Variants in USH2A observed in about 807,000 individuals in gnomAD.
USH2A encodes the protein usherin, also known as Usher syndrome 2A (autosomal recessive, mild).
In USH2A, 443 loss-of-function variants were observed where a neutral mutation model predicts 538.9. That is an observed-to-expected ratio of 0.82 (90% CI 0.76 to 0.89). The LOEUF (loss-of-function observed/expected upper bound fraction) is 0.89. Ranked by LOEUF, USH2A falls within the 40% of genes least tolerant of loss-of-function variation. The pLI, the probability that USH2A is intolerant of heterozygous loss-of-function variation, is 0.00. For synonymous variants in USH2A, 2,413 were observed against 2,273.5 expected, an observed-to-expected ratio of 1.06 and a Z score of -1.75; for missense variants, 6,633 against 6,324.8, an observed-to-expected ratio of 1.05 and a Z score of -1.65.
chr1:216,013,861 C>T (rs1483655318), intron 32 of USH2A, among the ~76,000 whole-genome samples: 1 of 152,130 alleles, frequency 6.6e-6, no homozygotes, highest in African/African-American at 2.4e-5. Context: ...TTCACACGGA[C>T]TCACATGAAA....
chr1:216,050,884 C>A (rs958250866), intron 30 of USH2A, among the ~76,000 whole-genome samples: 1 of 151,918 alleles, frequency 6.6e-6, no homozygotes. Flanking sequence ...GGATTACAGG[C>A]GTGAGCCACT....
rs980355439 is a variant in USH2A at position 216,394,302 on chromosome 1, T to A, written c.651+24212A>T. Among the ~76,000 whole-genome samples, 78 of 146,744 alleles carry A rather than the reference T, an allele frequency of 5.3e-4. 1 individual carries two copies. Among genetic ancestry groups the A allele is most frequent in the African/African-American group, 1.8e-3 (72 of 39,306 alleles). ...AAACTTTAAACATACACCTACCATG[T>A]GGCACAGCAATCCTTTTCCCAGATA... On this transcript the variant is annotated intron_variant, in intron 3 of 71. Transcript: ENST00000307340.
chr1:216,071,559 T>A (rs778478400), intron 29 of USH2A, among the ~76,000 whole-genome samples: 1 of 152,180 alleles, frequency 6.6e-6, no homozygotes, highest in Non-Finnish European at 1.5e-5. Context: ...TGCTCAGTGT[T>A]GTGGTCAGAT....
At chr1:215,923,116 T>C (rs1666142869) in intron 38 of USH2A, among the ~76,000 whole-genome samples, 1 of 152,148 alleles carries the variant, frequency 6.6e-6, no homozygotes, top group Non-Finnish European at 1.5e-5. Context: ...CAGGAAGTGA[T>C]GAGACTTCTC....
intron 61 of USH2A, among the ~76,000 whole-genome samples, chr1:215,680,625 T>C (rs1044260969): frequency 1.3e-5 from 2 of 151,984 alleles, no homozygotes; most frequent in Non-Finnish European, 2.9e-5. Flanking sequence ...CATCCTTGAC[T>C]TTTCAGTGCT....
chr1:215,946,722 T>C (rs1666767108), intron 37 of USH2A, among the ~76,000 whole-genome samples: 1 of 152,204 alleles, frequency 6.6e-6, no homozygotes, highest in East Asian at 1.9e-4. Context: ...ATGTGGGTAG[T>C]ATGGCTGAGG....
At chr1:216,006,768 ACTC>A (rs1234525842) in intron 32 of USH2A, among the ~76,000 whole-genome samples, 1 of 152,032 alleles carries the variant, frequency 6.6e-6, no homozygotes, top group Non-Finnish European at 1.5e-5. Context: ...CCTCTTCTAA[ACTC>A]CTACAATGCT....
intron 35 of USH2A, among the ~76,000 whole-genome samples, chr1:215,991,015 C>T (rs1667992237): frequency 6.6e-6 from 1 of 152,202 alleles, no homozygotes. Flanking sequence ...CCCCCCTCAG[C>T]CTCCCAAAGT....
At chr1:216,062,647 T>C (rs2031223519) in intron 30 of USH2A, among the ~76,000 whole-genome samples, 1 of 152,164 alleles carries the variant, frequency 6.6e-6, no homozygotes, top group South Asian at 2.1e-4. Flanking sequence ...AACTCCAATG[T>C]AAGGATATGT....
At chr1:216,113,447 C>A (rs2032923746) in intron 21 of USH2A, among the ~76,000 whole-genome samples, 1 of 152,138 alleles carries the variant, frequency 6.6e-6, no homozygotes, top group African/African-American at 2.4e-5. Flanking sequence ...ACATTTCTAG[C>A]ATCAGGAATA....
In USH2A at chr1:215,928,282, T is replaced by C. The variant is rs1666286031; in HGVS notation, c.7300+6334A>G. On this transcript the variant is annotated intron_variant, in intron 38 of 71. Coordinates refer to ENST00000307340, the MANE Select transcript of USH2A (RefSeq NM_206933.4). ...TTAAACAAGAATCTATTGATATACATTTATTGATCTTTATACTGAAATAAA... is the reference window on the plus strand; with the variant it reads ...TTAAACAAGAATCTATTGATATACACTTATTGATCTTTATACTGAAATAAA... Among the ~76,000 whole-genome samples, 3 of 152,300 alleles carry C rather than the reference T, an allele frequency of 2.0e-5. No individual in the cohort carries two copies. The South Asian group carries it at 6.2e-4, about 32-fold the overall frequency.
At chr1:216,167,185 T>C (rs2034187564) in intron 21 of USH2A, among the ~76,000 whole-genome samples, 1 of 152,144 alleles carries the variant, frequency 6.6e-6, no homozygotes, top group Admixed American at 6.6e-5. Flanking sequence ...AAACTGTTAG[T>C]GTTACAGTTG....
intron 43 of USH2A, among the ~76,000 whole-genome samples, chr1:215,871,820 A>C (rs1934425): frequency 0.36 from 54,445 of 152,072 alleles, 9,932 homozygotes; most frequent in Admixed American, 0.47. Context: ...GGAGGAGGTA[A>C]CATTTGGGGC....
At chr1:215,912,221 T>C (rs897878315) in intron 38 of USH2A, among the ~76,000 whole-genome samples, 1 of 151,970 alleles carries the variant, frequency 6.6e-6, no homozygotes, top group Non-Finnish European at 1.5e-5. Context: ...CATTTGCCTA[T>C]GTTTGCCTTG....
intron 4 of USH2A, among the ~76,000 whole-genome samples, chr1:216,351,510 T>C (rs1384786216): frequency 1.3e-5 from 2 of 152,066 alleles, no homozygotes; most frequent in Admixed American, 1.3e-4. Context: ...AATAAACAAA[T>C]GTAAGAAATA....
At position 216,368,130 on chromosome 1, in the gene USH2A, A is replaced by G. The variant is rs1181986168; in HGVS notation, c.652-3045T>C. 2.6e-5 allele frequency among the ~76,000 whole-genome samples: 4 copies of G among 152,016 alleles called. No homozygotes were observed. The East Asian group carries it at 7.7e-4, about 29-fold the overall frequency. Reference sequence around the variant, plus strand: ...TTCATTCTCTTCAGTTTCATATTTTATTTTAACCACTTTTTTGGTCACATT... The same window carrying G: ...TTCATTCTCTTCAGTTTCATATTTTGTTTTAACCACTTTTTTGGTCACATT... On this transcript the variant is annotated intron_variant, in intron 3 of 71. Transcript: ENST00000307340.
intron 62 of USH2A, among the ~76,000 whole-genome samples, chr1:215,678,324 C>T (rs886599610): frequency 6.6e-6 from 1 of 152,210 alleles, no homozygotes. Flanking sequence ...AATCTGTCTC[C>T]TACCAGTCCC....
At chr1:215,846,385 T>A (rs1030827972) in intron 44 of USH2A, among the ~76,000 whole-genome samples, 7 of 152,070 alleles carry the variant, frequency 4.6e-5, no homozygotes, top group African/African-American at 1.7e-4. Context: ...TTAATTTTTA[T>A]CAGTGTTTTG....
Position 215,648,584 on chromosome 1 carries a change from TGAGGCCAGCGTCCC to T in USH2A, c.14512_14525del (p.Gly4838LysfsTer21). 7 of 1,614,216 alleles carry T rather than the reference TGAGGCCAGCGTCCC, an allele frequency of 4.3e-6. No homozygotes were observed. Among genetic ancestry groups the T allele is most frequent in the Non-Finnish European group, 5.9e-6 (7 of 1,180,024 alleles). ...GACTCCACCGGAAGGAGGCCGTCCT[TGAGGCCAGCGTCCC>T]GATTTGTGGAGAGGACAGTCCTGAG... is the stretch of plus-strand genomic sequence containing the variant. On this transcript the variant is annotated frameshift_variant, in exon 66 of 72. Transcript: ENST00000307340. LOFTEE classifies it high-confidence loss of function.
Sources: allele counts gnomAD v4.1 joint callset (sites outside exome capture counted in the v4.1 genomes callset), GRCh38; gene constraint gnomAD v4.1.1; transcripts MANE v1.5; gene names NCBI Gene and HGNC (gene_info 2026-07-23, HGNC 2026-07-21).